NEGR1: variants seen among roughly 807,000 people sequenced by gnomAD.
The protein encoded by NEGR1 is neuronal growth regulator 1.
Under a neutral mutation model 40.9 loss-of-function variants are expected in NEGR1, and 10 were observed. That is an observed-to-expected ratio of 0.24 (90% CI 0.15 to 0.42). The LOEUF (loss-of-function observed/expected upper bound fraction) is 0.42. NEGR1 is among the 10% of genes least tolerant of loss of function. The probability of loss-of-function intolerance (pLI) is 1.00; values close to 1 mark genes in which losing one functional copy is unlikely to be tolerated. For synonymous variants in NEGR1, 185 were observed against 166.8 expected, an observed-to-expected ratio of 1.11 and a Z score of -0.84; for missense variants, 352 against 438.9, an observed-to-expected ratio of 0.80 and a Z score of 1.77.
At chr1:72,134,209 T>C (rs1181829162) in intron 1 of NEGR1, among the ~76,000 whole-genome samples, 1 of 151,390 alleles carries the variant, frequency 6.6e-6, no homozygotes, top group Non-Finnish European at 1.5e-5. Flanking sequence ...TACGTTTTTT[T>C]TTTCTTTTTT....
chr1:71,753,351 G>A (rs1655631514), intron 3 of NEGR1, among the ~76,000 whole-genome samples: 2 of 152,056 alleles, frequency 1.3e-5, no homozygotes, highest in Admixed American at 6.6e-5. Flanking sequence ...AGTATAATGA[G>A]GATCGAGGTA....
chr1:71,832,896 C>T (rs1223037345), intron 2 of NEGR1, among the ~76,000 whole-genome samples: 1 of 151,928 alleles, frequency 6.6e-6, no homozygotes, highest in Non-Finnish European at 1.5e-5. Flanking sequence ...GTAGTGTTGA[C>T]TACAAATTAC....
At chr1:71,684,228 G>A (rs1328833334) in intron 4 of NEGR1, among the ~76,000 whole-genome samples, 1 of 151,902 alleles carries the variant, frequency 6.6e-6, no homozygotes, top group African/African-American at 2.4e-5. Context: ...CCCAGATCGC[G>A]CCACTGCACT....
chr1:71,817,198 A>T (rs1198073119), intron 2 of NEGR1, among the ~76,000 whole-genome samples: 2 of 152,078 alleles, frequency 1.3e-5, no homozygotes, highest in Admixed American at 6.6e-5. Context: ...AGACTTGCTC[A>T]TGCAGCTTCC....
intron 3 of NEGR1, among the ~76,000 whole-genome samples, chr1:71,750,186 G>T (rs1655523614): frequency 6.6e-6 from 1 of 151,772 alleles, no homozygotes; most frequent in Non-Finnish European, 1.5e-5. Flanking sequence ...GTAGAGACGG[G>T]GTTTCACCTT....
At chr1:72,203,074 T>G (rs993369538) in intron 1 of NEGR1, among the ~76,000 whole-genome samples, 1 of 152,226 alleles carries the variant, frequency 6.6e-6, no homozygotes, top group Non-Finnish European at 1.5e-5. Context: ...ACTTGCCTAC[T>G]AACACAGCAT....
intron 1 of NEGR1, among the ~76,000 whole-genome samples, chr1:72,039,014 A>G (rs1308799681): frequency 6.6e-6 from 1 of 152,028 alleles, no homozygotes; most frequent in Non-Finnish European, 1.5e-5. Context: ...TGAGGGCAGT[A>G]GAAGCTGACT....
chr1:71,982,996 T>C (rs1490791879), intron 1 of NEGR1, among the ~76,000 whole-genome samples: 1 of 152,136 alleles, frequency 6.6e-6, no homozygotes, highest in Non-Finnish European at 1.5e-5. Context: ...TTGTAGTTCT[T>C]ATGAATCCTA....
At chr1:71,556,349 G>T (rs770862690) in intron 6 of NEGR1, among the ~76,000 whole-genome samples, 15 of 151,488 alleles carry the variant, frequency 9.9e-5, no homozygotes, top group Non-Finnish European at 1.9e-4. Flanking sequence ...GACAGAAAGT[G>T]GAAAAAGTTT....
intron 6 of NEGR1, among the ~76,000 whole-genome samples, chr1:71,472,005 T>C (rs1225545650): frequency 6.6e-6 from 1 of 152,120 alleles, no homozygotes; most frequent in Non-Finnish European, 1.5e-5. Context: ...TTCTAATCTC[T>C]GCAGTCATCA....
intron 1 of NEGR1, among the ~76,000 whole-genome samples, chr1:72,207,798 A>T (rs538909842): frequency 9.9e-5 from 15 of 151,896 alleles, no homozygotes; most frequent in Admixed American, 2.6e-4. Context: ...TAAAAAACGC[A>T]TTTATTAGCA....
intron 1 of NEGR1, among the ~76,000 whole-genome samples, chr1:72,212,895 C>G (rs745355163): frequency 6.6e-6 from 1 of 151,622 alleles, no homozygotes; most frequent in Admixed American, 6.6e-5. Context: ...AGGAGATCAC[C>G]CTATGTGTCA....
chr1:71,450,757 C>T (rs1034523374), intron 6 of NEGR1, among the ~76,000 whole-genome samples: 4 of 151,670 alleles, frequency 2.6e-5, no homozygotes, highest in Non-Finnish European at 4.4e-5. Context: ...TTGCAGTGAG[C>T]TGAGATGGCA....
chr1:72,091,357 T>C (rs115018439), intron 1 of NEGR1, among the ~76,000 whole-genome samples: 43 of 131,816 alleles, frequency 3.3e-4, no homozygotes, highest in African/African-American at 1.1e-3. Flanking sequence ...TCAGTTTCCC[T>C]CCCTCCCTCC....
chr1:71,528,889 G>C (rs1206296642), intron 6 of NEGR1, among the ~76,000 whole-genome samples: 1 of 151,106 alleles, frequency 6.6e-6, no homozygotes, highest in African/African-American at 2.4e-5. Context: ...TAAATACAAT[G>C]TGCTTAATGA....
At chr1:72,280,409 G>A (rs1384409967) in intron 1 of NEGR1, among the ~76,000 whole-genome samples, 1 of 152,190 alleles carries the variant, frequency 6.6e-6, no homozygotes, top group Admixed American at 6.5e-5. Flanking sequence ...TAAGCAATAT[G>A]TTGCTTGCTA....
intron 1 of NEGR1, among the ~76,000 whole-genome samples, chr1:72,093,341 A>AAAAAAAAAAAAAAAAAAAG (rs1179635064): frequency 2.3e-4 from 35 of 151,506 alleles, no homozygotes; most frequent in African/African-American, 8.3e-4. Context: ...AAAAAAAAAA[A>AAAAAAAAAAAAAAAAAAAG]AAGATGCTCA....
At chr1:72,228,651 G>A (rs1446784704) in intron 1 of NEGR1, among the ~76,000 whole-genome samples, 1 of 152,060 alleles carries the variant, frequency 6.6e-6, no homozygotes, top group African/African-American at 2.4e-5. Context: ...TATACTAAGT[G>A]GCCTGGAGCT....
chr1:71,981,464 A>G (rs1266696169), intron 1 of NEGR1, among the ~76,000 whole-genome samples: 3 of 152,150 alleles, frequency 2.0e-5, no homozygotes, highest in African/African-American at 7.2e-5. Context: ...AACATCATGA[A>G]CAGGACTGGG....
Sources: gnomAD v4.1 joint callset for allele counts (sites outside exome capture counted in the v4.1 genomes callset) on GRCh38, gnomAD v4.1.1 for gene constraint, MANE v1.5 for transcripts, NCBI Gene and HGNC (gene_info 2026-07-23, HGNC 2026-07-21) for gene names.